Variants in RTN4RL1 observed in about 807,000 individuals in gnomAD.
RTN4RL1 encodes reticulon 4 receptor like 1, also known as reticulon-4 receptor-like 1.
RTN4RL1 carries 7 observed loss-of-function variants against 25.6 expected under a neutral mutation model. The ratio of observed to expected loss-of-function variants is 0.27; its 90% CI spans 0.16 to 0.51. The LOEUF (loss-of-function observed/expected upper bound fraction) is 0.51. RTN4RL1 is among the 20% of genes least tolerant of loss of function. The probability of loss-of-function intolerance (pLI) is 0.97; values close to 1 mark genes in which losing one functional copy is unlikely to be tolerated. For missense variants in RTN4RL1, 500 were observed against 615.6 expected (o/e 0.81, Z 1.99); for synonymous variants, 297 against 288.2 (o/e 1.03, Z -0.31).
At position 1,998,508 on chromosome 17, in the gene RTN4RL1, C is replaced by G. The variant is rs1037401580; in HGVS notation, c.13+26345G>C. Among the ~76,000 whole-genome samples, 35 of 152,142 alleles carry G rather than the reference C, an allele frequency of 2.3e-4. No individual in the cohort carries two copies. Among genetic ancestry groups the G allele is most frequent in the African/African-American group, 8.2e-4 (34 of 41,550 alleles). ...GGCCTCCCCTCCCCGCGGCTGCCCCCGGGCCGGCCACCGCTGCCCAGCGCG... is the reference window on the plus strand; with the variant it reads ...GGCCTCCCCTCCCCGCGGCTGCCCCGGGGCCGGCCACCGCTGCCCAGCGCG... On this transcript the variant is annotated intron_variant, in intron 1 of 1. Coordinates refer to ENST00000331238, the MANE Select transcript of RTN4RL1 (RefSeq NM_178568.4). This position sits in a 1 kb window ranked among gnomAD's most constrained non-coding sequence, Gnocchi z 4.9.
intron 1 of RTN4RL1, among the ~76,000 whole-genome samples, chr17:1,948,275 G>T (rs1915600519): frequency 6.6e-6 from 1 of 152,210 alleles, no homozygotes; most frequent in Non-Finnish European, 1.5e-5. Flanking sequence ...AGGGCCCGTG[G>T]CCTCTATTTC....
At chr17:1,980,279 C>T (rs1188263041) in intron 1 of RTN4RL1, among the ~76,000 whole-genome samples, 2 of 150,736 alleles carry the variant, frequency 1.3e-5, no homozygotes, top group African/African-American at 4.9e-5. Flanking sequence ...CTATGTTGCC[C>T]AGCCTGGTTT....
intron 1 of RTN4RL1, among the ~76,000 whole-genome samples, chr17:1,997,993 G>A (rs1437022039): frequency 6.6e-6 from 1 of 152,138 alleles, no homozygotes; most frequent in Non-Finnish European, 1.5e-5. Context: ...GGGCCTGGGG[G>A]CGGGCAGCGA....
chr17:1,982,303 A>C (rs1027667006), intron 1 of RTN4RL1, among the ~76,000 whole-genome samples: 1 of 150,250 alleles, frequency 6.7e-6, no homozygotes, highest in Non-Finnish European at 1.5e-5. Context: ...TTTGTCTCAA[A>C]AAGAAAAGAG....
At chr17:2,015,042 G>A (rs966292860) in intron 1 of RTN4RL1, among the ~76,000 whole-genome samples, 7 of 152,090 alleles carry the variant, frequency 4.6e-5, no homozygotes, top group Admixed American at 2.0e-4. Flanking sequence ...TGTGGAATCC[G>A]GCCGCTGTGT....
At chr17:1,960,961 A>C (rs960072898) in intron 1 of RTN4RL1, among the ~76,000 whole-genome samples, 1 of 151,924 alleles carries the variant, frequency 6.6e-6, no homozygotes, top group Non-Finnish European at 1.5e-5. Flanking sequence ...GGCCACTCTC[A>C]ATGTCATAAG....
chr17:1,999,064 CA>C (rs2066943584), intron 1 of RTN4RL1, among the ~76,000 whole-genome samples: 1 of 147,576 alleles, frequency 6.8e-6, no homozygotes, highest in South Asian at 2.1e-4. Context: ...GAGAGCTGCT[CA>C]CGCCAGTCTA....
chr17:1,961,107 A>G (rs1312733713), intron 1 of RTN4RL1, among the ~76,000 whole-genome samples: 1 of 152,180 alleles, frequency 6.6e-6, no homozygotes. Flanking sequence ...AGGGCCAGGC[A>G]CCCAGGTAGT....
At chr17:2,012,287 T>C (rs914372691) in intron 1 of RTN4RL1, among the ~76,000 whole-genome samples, 5 of 152,240 alleles carry the variant, frequency 3.3e-5, no homozygotes, top group Admixed American at 6.5e-5. Context: ...CTGGGCATCC[T>C]CTGTGGTCCA....
chr17:2,010,507 C>G (rs1284336750), intron 1 of RTN4RL1, among the ~76,000 whole-genome samples: 1 of 151,924 alleles, frequency 6.6e-6, no homozygotes, highest in East Asian at 1.9e-4. Flanking sequence ...TTGTCTATTT[C>G]TCCACCCCAA....
intron 1 of RTN4RL1, among the ~76,000 whole-genome samples, chr17:1,977,863 G>C (rs1040909603): frequency 2.0e-5 from 3 of 151,908 alleles, no homozygotes; most frequent in African/African-American, 4.8e-5. Flanking sequence ...GTGGGAGCCG[G>C]GGTCGGGGGC....
chr17:1,943,790 C>A (rs1341663403), intron 1 of RTN4RL1, among the ~76,000 whole-genome samples: 1 of 152,172 alleles, frequency 6.6e-6, no homozygotes, highest in East Asian at 1.9e-4. Context: ...TGGAAGCCAG[C>A]CAGCGCACAG....
At chr17:1,952,013 C>T (rs1194474299) in intron 1 of RTN4RL1, among the ~76,000 whole-genome samples, 8 of 152,038 alleles carry the variant, frequency 5.3e-5, no homozygotes, top group East Asian at 1.9e-4. Context: ...GACAGCAGGA[C>T]GGCTGAGGCT....
At chr17:1,950,964 C>CTAAA (rs1390946475) in intron 1 of RTN4RL1, among the ~76,000 whole-genome samples, 1 of 147,488 alleles carries the variant, frequency 6.8e-6, no homozygotes, top group Non-Finnish European at 1.5e-5. Context: ...AGTAAAGGAA[C>CTAAA]TAAAGAATAG....
At chr17:1,992,657 T>G (rs1474823652) in intron 1 of RTN4RL1, among the ~76,000 whole-genome samples, 1 of 152,246 alleles carries the variant, frequency 6.6e-6, no homozygotes, top group Non-Finnish European at 1.5e-5. Flanking sequence ...AAGAGTCCAG[T>G]TGATTCAAAG....
chr17:2,021,551 CTTTT>C (rs767770637), intron 1 of RTN4RL1, among the ~76,000 whole-genome samples: 59 of 106,186 alleles, frequency 5.6e-4, no homozygotes, highest in Admixed American at 9.6e-4. Flanking sequence ...CATCCTATAC[CTTTT>C]TTTTTTTTTT....
At chr17:1,958,539 A>G (rs530421706) in intron 1 of RTN4RL1, among the ~76,000 whole-genome samples, 2 of 152,376 alleles carry the variant, frequency 1.3e-5, no homozygotes, top group African/African-American at 4.8e-5. Flanking sequence ...CATCATCGGT[A>G]TCACAAAACT....
chr17:2,011,464 C>T (rs12449566), intron 1 of RTN4RL1, among the ~76,000 whole-genome samples: 52,881 of 151,648 alleles, frequency 0.35, 9,513 homozygotes, highest in East Asian at 0.55. Context: ...TTGGAGGCAC[C>T]TAGCTGTGGG....
At chr17:2,021,371 G>C (rs547321672) in intron 1 of RTN4RL1, among the ~76,000 whole-genome samples, 2 of 152,174 alleles carry the variant, frequency 1.3e-5, no homozygotes, top group South Asian at 4.1e-4. Context: ...AGAAAGATGA[G>C]GGGTTTTTTC....
Sources: gnomAD v4.1 joint callset for allele counts (sites outside exome capture counted in the v4.1 genomes callset) on GRCh38, gnomAD v4.1.1 for gene constraint, Gnocchi (gnomAD v3.1) non-coding constraint, MANE v1.5 for transcripts, NCBI Gene and HGNC (gene_info 2026-07-23, HGNC 2026-07-21) for gene names.